Variants in STX18 observed in about 807,000 individuals in gnomAD.
The protein encoded by STX18 is syntaxin 18.
In STX18, 40 loss-of-function variants were observed where a neutral mutation model predicts 50.1. The ratio of observed to expected loss-of-function variants is 0.80; its 90% confidence interval spans 0.62 to 1.04. The LOEUF is 1.04. Ranked by LOEUF, STX18 falls within the 50% of genes least tolerant of loss-of-function variation. STX18 has a pLI of 0.00. For synonymous variants in STX18, 158 were observed against 151.8 expected (o/e 1.04, Z -0.30); for missense variants, 410 against 415.8 (o/e 0.99, Z 0.12).
At chr4:4,470,246 T>G (rs1727845017) in intron 2 of STX18, among the ~76,000 whole-genome samples, 1 of 152,154 alleles carries the variant, frequency 6.6e-6, no homozygotes, top group African/African-American at 2.4e-5. Context: ...GTCCCTGTTG[T>G]GGAGAGTTGT....
chr4:4,515,905 C>T lies in STX18; in HGVS notation c.168+25892G>A, dbSNP rs185396782. Among the ~76,000 whole-genome samples the T allele has an allele frequency of 2.8e-3, 418 of 151,860 alleles. 2 individuals carry two copies. The highest frequency in any genetic ancestry group is 9.6e-3 in the African/African-American group (397 of 41,424). ...CAGGCAAGAGTAAGTATTCCGAAAACAGCATCTGATTACAGCATAAGCTAT... is the reference window on the plus strand; with the variant it reads ...CAGGCAAGAGTAAGTATTCCGAAAATAGCATCTGATTACAGCATAAGCTAT... On this transcript the variant is annotated intron_variant, in intron 1 of 10. Transcript: ENST00000306200.
At chr4:4,499,785 T>G (rs1577377908) in intron 1 of STX18, among the ~76,000 whole-genome samples, 1 of 152,168 alleles carries the variant, frequency 6.6e-6, no homozygotes, top group East Asian at 1.9e-4. Context: ...AACTAACTAG[T>G]AGGCACTCCA....
At chr4:4,499,467 A>C in intron 1 of STX18, 1 of 984,182 alleles carries the variant, frequency 1.0e-6, no homozygotes, top group South Asian at 4.7e-5. Flanking sequence ...CTTTTAGAAA[A>C]ACAGCATTTC....
intron 1 of STX18, among the ~76,000 whole-genome samples, chr4:4,535,502 A>C (rs1731289643): frequency 6.6e-6 from 1 of 152,160 alleles, no homozygotes; most frequent in African/African-American, 2.4e-5. Context: ...AGTGGTTTTT[A>C]AACTGTGTGT....
chr4:4,529,352 T>C (rs1235918556), intron 1 of STX18, among the ~76,000 whole-genome samples: 2 of 151,938 alleles, frequency 1.3e-5, no homozygotes, highest in Non-Finnish European at 1.5e-5. Flanking sequence ...AGACTCCGTC[T>C]CAAAAAAAAG....
chr4:4,466,821 G>A (rs1428928744), intron 2 of STX18, among the ~76,000 whole-genome samples: 1 of 152,212 alleles, frequency 6.6e-6, no homozygotes, highest in Non-Finnish European at 1.5e-5. Flanking sequence ...AATATACATA[G>A]AGCTGTCTAA....
At chr4:4,460,817 G>C (rs34201602) in intron 2 of STX18, among the ~76,000 whole-genome samples, 13,522 of 152,100 alleles carry the variant, frequency 0.089, 1,019 homozygotes, top group African/African-American at 0.2. Context: ...CCAACAGTGA[G>C]ACAAAGGCGC....
At chr4:4,472,194 C>A (rs1727954198) in intron 1 of STX18, among the ~76,000 whole-genome samples, 1 of 152,164 alleles carries the variant, frequency 6.6e-6, no homozygotes, top group East Asian at 1.9e-4. Flanking sequence ...AAATCTCTGT[C>A]TTTCCTATGG....
At chr4:4,500,966 G>A (rs1308640877) in intron 1 of STX18, among the ~76,000 whole-genome samples, 1 of 152,220 alleles carries the variant, frequency 6.6e-6, no homozygotes, top group African/African-American at 2.4e-5. Flanking sequence ...GAACCTAGGA[G>A]AAGGAGGTAG....
At chr4:4,431,189 A>C (rs1357640999) in intron 7 of STX18, among the ~76,000 whole-genome samples, 2 of 152,056 alleles carry the variant, frequency 1.3e-5, no homozygotes, top group Non-Finnish European at 2.9e-5. Context: ...AAAAGAAAGA[A>C]AGAAAAAAAA....
At chr4:4,507,703 C>G in intron 1 of STX18, 2 of 972,436 alleles carry the variant, frequency 2.1e-6, no homozygotes, top group South Asian at 2.6e-5. Context: ...ACGTGGAACA[C>G]AGACTGAAAC....
chr4:4,451,270 AAGAGACAGAAG>A (rs905536940), intron 5 of STX18, among the ~76,000 whole-genome samples: 11 of 152,376 alleles, frequency 7.2e-5, no homozygotes, highest in African/African-American at 2.6e-4. Context: ...AGAGAACATA[AAGAGACAGAAG>A]AGAGACAGAT....
intron 1 of STX18, among the ~76,000 whole-genome samples, chr4:4,541,072 T>C (rs1731563234): frequency 6.6e-6 from 1 of 152,236 alleles, no homozygotes; most frequent in Admixed American, 6.5e-5. Flanking sequence ...TGGAGTTTTC[T>C]GTTTAATGGG....
At position 4,420,499 on chromosome 4, in the gene STX18, C is replaced by G; in HGVS notation, c.912+365G>C. 1 of 396,348 alleles carries G rather than the reference C, an allele frequency of 2.5e-6. No individual in the cohort carries two copies. The highest frequency in any genetic ancestry group is 3.3e-5 in the South Asian group (1 of 30,716). 24.6% of individuals were successfully genotyped at this position (396,348 alleles called of 1,614,324 possible). A position where few individuals can be genotyped will look rare whatever the true frequency, so the allele number is the denominator to read the frequency against. On this transcript the variant is annotated intron_variant, in intron 10 of 10. Coordinates refer to ENST00000306200, the MANE Select transcript of STX18 (RefSeq NM_016930.4). This position sits in a 1 kb window ranked among gnomAD's most constrained non-coding sequence, Gnocchi z 4.3. Reference sequence around the variant, plus strand: ...TGAGCTTGGGAAACAGTCCCCTCAACAGGATGGCTGTAGTGTCCTCTGTAA... The same window carrying G: ...TGAGCTTGGGAAACAGTCCCCTCAAGAGGATGGCTGTAGTGTCCTCTGTAA...
intron 1 of STX18, among the ~76,000 whole-genome samples, chr4:4,533,310 T>C (rs1207589830): frequency 2.6e-5 from 4 of 152,210 alleles, no homozygotes; most frequent in Admixed American, 6.5e-5. Context: ...ACTGATACTT[T>C]ACCCACCAGA....
At chr4:4,497,206 T>C (rs1447094079) in intron 1 of STX18, among the ~76,000 whole-genome samples, 2 of 152,218 alleles carry the variant, frequency 1.3e-5, no homozygotes, top group South Asian at 2.1e-4. Context: ...CTCCTTGGTA[T>C]GGGGTCAGGA....
chr4:4,505,597 C>T (rs28807096), intron 1 of STX18, among the ~76,000 whole-genome samples: 23,163 of 150,572 alleles, frequency 0.15, 1,850 homozygotes, highest in Non-Finnish European at 0.18. Context: ...CTGGCCAACA[C>T]GGCGAAACTC....
intron 5 of STX18, among the ~76,000 whole-genome samples, chr4:4,439,419 G>GTA (rs1725982042): frequency 9.1e-6 from 1 of 109,356 alleles, no homozygotes; most frequent in Admixed American, 1.4e-4. Flanking sequence ...GTGCAGATAT[G>GTA]TATATATACC....
intron 1 of STX18, among the ~76,000 whole-genome samples, chr4:4,536,334 G>C (rs1482599530): frequency 1.3e-5 from 2 of 152,248 alleles, no homozygotes; most frequent in East Asian, 3.8e-4. Context: ...AGAAGCTACA[G>C]ATTCAGTGCT....
Sources: gnomAD v4.1 joint callset for allele counts (sites outside exome capture counted in the v4.1 genomes callset) on GRCh38, gnomAD v4.1.1 for gene constraint, Gnocchi (gnomAD v3.1) non-coding constraint, MANE v1.5 for transcripts, NCBI Gene and HGNC (gene_info 2026-07-23, HGNC 2026-07-21) for gene names.